Variants in CTNNA3 observed in about 807,000 individuals in gnomAD.
CTNNA3 encodes the protein catenin alpha 3.
Under a neutral mutation model 95.7 loss-of-function variants are expected in CTNNA3, and 76 were observed. The observed-to-expected ratio is 0.79, with a 90% CI of 0.66 to 0.96. The LOEUF (loss-of-function observed/expected upper bound fraction) is 0.96. CTNNA3 is among the 40% of genes least tolerant of loss of function. The probability of loss-of-function intolerance (pLI) is 0.00; values close to 1 mark genes in which losing one functional copy is unlikely to be tolerated. For synonymous variants in CTNNA3, 431 were observed against 374.4 expected (o/e 1.15, Z -1.74); for missense variants, 1,191 against 1,089.8 (o/e 1.09, Z -1.31).
In CTNNA3 at chr10:66,331,338, G is replaced by GCTTGCTT. The variant is rs1417713676; in HGVS notation, c.1732+47813_1732+47814insAAGCAAG. Among the ~76,000 whole-genome samples the GCTTGCTT allele has an allele frequency of 5.4e-3, 213 of 39,096 alleles. 41 individuals carry two copies. Among genetic ancestry groups the GCTTGCTT allele is most frequent in the African/African-American group, 0.012 (174 of 13,972 alleles). The allele number at this position is 39,096 out of a possible 152,430, so 25.6% of individuals were successfully genotyped here. On this transcript the variant is annotated intron_variant, in intron 12 of 17. Transcript: ENST00000433211. ...TTAAATATGGACTCCTTTCCCCATT[G>GCTTGCTT]TTTGTTTTTTTTTTTTTTTTTTTTT...
intron 13 of CTNNA3, among the ~76,000 whole-genome samples, chr10:66,266,008 G>A (rs2091140273): frequency 7.0e-6 from 1 of 142,952 alleles, no homozygotes; most frequent in African/African-American, 2.7e-5. Context: ...GACAATAAAT[G>A]GATAAAAGAA....
intron 13 of CTNNA3, among the ~76,000 whole-genome samples, chr10:66,127,768 C>G (rs548253839): frequency 6.6e-6 from 1 of 152,228 alleles, no homozygotes; most frequent in East Asian, 1.9e-4. Flanking sequence ...CATATGGGAA[C>G]GCTATGTTCT....
At chr10:67,683,249 T>C (rs1440578810) in intron 1 of CTNNA3, among the ~76,000 whole-genome samples, 1 of 152,222 alleles carries the variant, frequency 6.6e-6, no homozygotes, top group Non-Finnish European at 1.5e-5. Flanking sequence ...CCAGGATCTC[T>C]TCTGGTGAAT....
intron 11 of CTNNA3, among the ~76,000 whole-genome samples, chr10:66,471,954 T>C (rs2131876886): frequency 6.6e-6 from 1 of 152,140 alleles, no homozygotes; most frequent in South Asian, 2.1e-4. Flanking sequence ...GGTTAGACTT[T>C]TGTTTCTTGC....
intron 1 of CTNNA3, among the ~76,000 whole-genome samples, chr10:67,706,396 A>G (rs1036588674): frequency 6.6e-6 from 1 of 152,072 alleles, no homozygotes; most frequent in African/African-American, 2.4e-5. Context: ...GGAAAGAAAA[A>G]AGAAGAAAGA....
chr10:66,484,426 CTT>C (rs1839654219), intron 11 of CTNNA3, among the ~76,000 whole-genome samples: 1 of 151,586 alleles, frequency 6.6e-6, no homozygotes, highest in African/African-American at 2.4e-5. Context: ...ATATTTGAAA[CTT>C]GTATATTTTA....
intron 16 of CTNNA3, among the ~76,000 whole-genome samples, chr10:65,981,944 C>T (rs1029131050): frequency 6.6e-6 from 1 of 151,776 alleles, no homozygotes; most frequent in Non-Finnish European, 1.5e-5. Flanking sequence ...TCGGCAAAGA[C>T]TCTGTGACCA....
intron 12 of CTNNA3, among the ~76,000 whole-genome samples, chr10:66,333,360 G>A (rs2092354721): frequency 6.6e-6 from 1 of 151,716 alleles, no homozygotes; most frequent in African/African-American, 2.4e-5. Flanking sequence ...TCTCTTGTGG[G>A]CCTTTAGTGT....
intron 1 of CTNNA3, among the ~76,000 whole-genome samples, chr10:67,687,360 C>T (rs970709746): frequency 1.3e-5 from 2 of 152,162 alleles, no homozygotes; most frequent in Non-Finnish European, 2.9e-5. Flanking sequence ...GCATAGTGGA[C>T]ATGGGTGAGG....
At chr10:66,650,783 G>C (rs933481913) in intron 9 of CTNNA3, among the ~76,000 whole-genome samples, 1 of 152,048 alleles carries the variant, frequency 6.6e-6, no homozygotes, top group African/African-American at 2.4e-5. Flanking sequence ...CCTCCTGGTG[G>C]GTTTGTGGTC....
chr10:65,972,214 A>T (rs1205221447), intron 16 of CTNNA3, among the ~76,000 whole-genome samples: 1 of 152,028 alleles, frequency 6.6e-6, no homozygotes, highest in African/African-American at 2.4e-5. Flanking sequence ...ACTTGAATGG[A>T]CAAAAGCTGA....
intron 15 of CTNNA3, among the ~76,000 whole-genome samples, chr10:66,035,021 G>A (rs1305993597): frequency 9.2e-5 from 14 of 151,948 alleles, no homozygotes; most frequent in African/African-American, 3.4e-4. Flanking sequence ...TTTGACCAGC[G>A]TGCAGTGTTT....
chr10:65,951,441 C>T (rs141738631), intron 17 of CTNNA3, among the ~76,000 whole-genome samples: 1 of 152,170 alleles, frequency 6.6e-6, no homozygotes, highest in East Asian at 1.9e-4. Flanking sequence ...GTTAGCTTCT[C>T]ATTTTGAGGC....
intron 10 of CTNNA3, among the ~76,000 whole-genome samples, chr10:66,536,865 T>C (rs1204666646): frequency 1.3e-5 from 2 of 152,148 alleles, no homozygotes. Flanking sequence ...TTTCTCTCTG[T>C]CAAACTCTCT....
intron 7 of CTNNA3, among the ~76,000 whole-genome samples, chr10:67,144,114 C>A (rs1421073641): frequency 2.6e-5 from 4 of 152,210 alleles, no homozygotes. Context: ...TCCATCAGAG[C>A]TCTTGGGTGA....
intron 9 of CTNNA3, among the ~76,000 whole-genome samples, chr10:66,685,770 G>C (rs1847276242): frequency 6.6e-6 from 1 of 151,964 alleles, no homozygotes; most frequent in Non-Finnish European, 1.5e-5. Flanking sequence ...CTCTTTACCA[G>C]AATTAAAGTG....
Position 66,974,804 on chromosome 10 carries a change from G to GT in CTNNA3, c.1048-199281dup, listed in dbSNP as rs995518438. Among the ~76,000 whole-genome samples, 1,014 of 139,880 alleles carry GT rather than the reference G, an allele frequency of 7.2e-3. 13 individuals are homozygous for GT. The highest frequency in any genetic ancestry group is 0.012 in the African/African-American group (462 of 38,566). The allele number at this position is 139,880 out of a possible 152,430, so 91.8% of individuals were successfully genotyped here. ...CTTTTCATGTGCTTACCAACCATTT[G>GT]TTTTTTTTTTTCTGAAGTGTCTGTT... is the stretch of plus-strand genomic sequence containing the variant. On this transcript the variant is annotated intron_variant, in intron 7 of 17. Coordinates refer to ENST00000433211, the MANE Select transcript of CTNNA3 (RefSeq NM_013266.4).
chr10:66,552,483 A>G (rs1281510574), intron 10 of CTNNA3, among the ~76,000 whole-genome samples: 1 of 152,112 alleles, frequency 6.6e-6, no homozygotes, highest in Non-Finnish European at 1.5e-5. Context: ...TCCAAAGTTG[A>G]CATGCTTTTT....
At chr10:66,025,175 T>C (rs1253595936) in intron 15 of CTNNA3, among the ~76,000 whole-genome samples, 4 of 152,228 alleles carry the variant, frequency 2.6e-5, no homozygotes, top group African/African-American at 7.2e-5. Context: ...ACATCTCACA[T>C]ACTCCAGAGT....
Sources: allele counts gnomAD v4.1 joint callset (sites outside exome capture counted in the v4.1 genomes callset), GRCh38; gene constraint gnomAD v4.1.1; transcripts MANE v1.5; gene names NCBI Gene and HGNC (gene_info 2026-07-23, HGNC 2026-07-21).